RSBN1L: variants seen among roughly 807,000 people sequenced by gnomAD.
RSBN1L encodes the protein round spermatid basic protein 1 like.
Under a neutral mutation model 67.7 loss-of-function variants are expected in RSBN1L, and 30 were observed. The observed-to-expected ratio is 0.44, with a 90% confidence interval of 0.33 to 0.60. RSBN1L has a LOEUF of 0.60. Among genes scored for constraint, RSBN1L ranks in the 20% least tolerant of loss-of-function variants. RSBN1L has a pLI of 0.02. For missense variants in RSBN1L, 992 were observed against 1,031.7 expected, an observed-to-expected ratio of 0.96 and a Z score of 0.53; for synonymous variants, 433 against 387.0, an observed-to-expected ratio of 1.12 and a Z score of -1.39.
chr7:77,768,861 ATGTT>A, intron 5 of RSBN1L, 58 bp downstream of exon 5: 1 of 1,482,562 alleles, frequency 6.7e-7, no homozygotes, highest in South Asian at 1.2e-5. Context: ...TGGGGTGTGT[ATGTT>A]AGTTGAAAAT....
chr7:77,748,931 C>G lies in RSBN1L; in HGVS notation c.704-493C>G, dbSNP rs184936378. Among the ~76,000 whole-genome samples the G allele has an allele frequency of 3.9e-5, 6 of 152,294 alleles. No individual in the cohort carries two copies. The East Asian group carries it at 1.2e-3, about 29-fold the overall frequency. On this transcript the variant is annotated intron_variant, in intron 2 of 7. Transcript: ENST00000334955. The stretch of plus-strand genomic sequence containing the variant: ...TCTGTCTGTCTCTCTCTTTCTCTCT[C>G]TCTCTCTGTCTCTCTCTCGCTGTGT...
chr7:77,704,407 C>T (rs925032425), intron 1 of RSBN1L, among the ~76,000 whole-genome samples: 2 of 152,074 alleles, frequency 1.3e-5, no homozygotes, highest in Admixed American at 6.5e-5. Context: ...ATACATTAAA[C>T]TTTATGTTGT....
At chr7:77,755,963 T>G (rs1366530102) in intron 3 of RSBN1L, among the ~76,000 whole-genome samples, 1 of 152,110 alleles carries the variant, frequency 6.6e-6, no homozygotes, top group Non-Finnish European at 1.5e-5. Context: ...CCTGACATCT[T>G]TGTAATTCAG....
rs1791953548 is a variant in RSBN1L at position 77,778,833 on chromosome 7, G to T, written c.2206G>T (p.Asp736Tyr). 6.2e-7 allele frequency: 1 copy of T among 1,614,102 alleles called. No individual in the cohort carries two copies. Among genetic ancestry groups the T allele is most frequent in the African/African-American group, 1.3e-5 (1 of 75,036 alleles). The change falls in exon 8 of 8, where the codon GAT becomes TAT. Residue 736 changes from aspartate (D) to tyrosine (Y), a missense_variant. Around this residue, in one of 7 missense-constraint regions of RSBN1L, gnomAD observed 199 missense variants for 167.7 expected, o/e 1.19. Transcript: ENST00000334955. ...MICAVSKASL[D>Y]SVFSDKLHSK... is the part of the protein sequence containing the mutation. ...TTGTGCTGTAAGCAAAGCCTCCTTGGATTCTGTTTTTTCAGATAAACTTCA... is the reference window on the plus strand; with the variant it reads ...TTGTGCTGTAAGCAAAGCCTCCTTGTATTCTGTTTTTTCAGATAAACTTCA...
At chr7:77,776,349 A>G (rs770569964) in intron 6 of RSBN1L, among the ~76,000 whole-genome samples, 2 of 152,202 alleles carry the variant, frequency 1.3e-5, no homozygotes, top group Non-Finnish European at 2.9e-5. Flanking sequence ...AGAGTTATGC[A>G]ACCACCACCA....
At chr7:77,744,702 G>A (rs1023470385) in intron 2 of RSBN1L, among the ~76,000 whole-genome samples, 1 of 152,132 alleles carries the variant, frequency 6.6e-6, no homozygotes, top group African/African-American at 2.4e-5. Flanking sequence ...ACAGGTGTGA[G>A]CCACTGCGCC....
At chr7:77,737,227 C>T (rs572981388) in intron 2 of RSBN1L, among the ~76,000 whole-genome samples, 48 of 152,062 alleles carry the variant, frequency 3.2e-4, no homozygotes, top group Non-Finnish European at 6.2e-4. Flanking sequence ...AAGAAGAATC[C>T]GTGGCATTCG....
At chr7:77,770,560 G>A (rs1432114856) in intron 5 of RSBN1L, among the ~76,000 whole-genome samples, 1 of 151,786 alleles carries the variant, frequency 6.6e-6, no homozygotes, top group Non-Finnish European at 1.5e-5. Flanking sequence ...GTACATGCCC[G>A]TAGCCCTAGC....
rs1790739748 is a variant in RSBN1L, at chr7:77,696,913, C to CGCCGCCGCCGCT, written c.449_450insCGCCGCTGCCGC (p.Ala148_Ala151dup). ...ACCATCTCCTCCTGCCCGCCGCCGC[C>CGCCGCCGCCGCT]GCCGCTGCCTCGGCTAACGCCAAGT... On this transcript the variant is annotated inframe_insertion, in exon 1 of 8. Coordinates refer to ENST00000334955, the MANE Select transcript of RSBN1L (RefSeq NM_198467.3). 6.2e-7 allele frequency: 1 copy of CGCCGCCGCCGCT among 1,604,380 alleles called. No homozygotes were observed.
intron 6 of RSBN1L, 63 bp from the exon 7 acceptor site, chr7:77,778,275 A>T: frequency 8.9e-7 from 1 of 1,126,950 alleles, no homozygotes; most frequent in Non-Finnish European, 1.3e-6. Flanking sequence ...CTTTGAGTTT[A>T]ATAAGGACTC....
At chr7:77,752,006 G>C (rs1791562331) in intron 3 of RSBN1L, among the ~76,000 whole-genome samples, 1 of 152,120 alleles carries the variant, frequency 6.6e-6, no homozygotes, top group Non-Finnish European at 1.5e-5. Context: ...TTTCAAATAA[G>C]TTTAGGAATT....
intron 1 of RSBN1L, among the ~76,000 whole-genome samples, chr7:77,702,685 A>T (rs1272221010): frequency 6.6e-6 from 1 of 152,158 alleles, no homozygotes; most frequent in East Asian, 1.9e-4. Context: ...ATAAAATACC[A>T]TAGAATGGGT....
chr7:77,698,648 A>G (rs552393556), intron 1 of RSBN1L, among the ~76,000 whole-genome samples: 68 of 152,344 alleles, frequency 4.5e-4, no homozygotes, highest in African/African-American at 1.6e-3. Flanking sequence ...TTTCAATTAC[A>G]TTTAGAATCC....
At chr7:77,756,816 T>C (rs1255446653) in intron 3 of RSBN1L, among the ~76,000 whole-genome samples, 1 of 152,152 alleles carries the variant, frequency 6.6e-6, no homozygotes, top group African/African-American at 2.4e-5. Context: ...TGCCATCCTC[T>C]AGGTAATTAA....
intron 3 of RSBN1L, among the ~76,000 whole-genome samples, chr7:77,753,787 A>T (rs1302401783): frequency 2.0e-5 from 3 of 152,208 alleles, no homozygotes; most frequent in Non-Finnish European, 4.4e-5. Flanking sequence ...AGCTAAAAGT[A>T]TTGGAAAAAT....
chr7:77,777,997 T>C (rs972439897), intron 6 of RSBN1L, among the ~76,000 whole-genome samples: 8 of 152,306 alleles, frequency 5.3e-5, no homozygotes, highest in East Asian at 1.9e-4. Flanking sequence ...TTTTCAACTT[T>C]AGCACTTAAA....
chr7:77,731,726 C>G (rs1468694392), intron 1 of RSBN1L, among the ~76,000 whole-genome samples: 1 of 151,626 alleles, frequency 6.6e-6, no homozygotes, highest in Non-Finnish European at 1.5e-5. Context: ...TTTATCAGTT[C>G]TTTTTTTTAA....
Position 77,779,542 on chromosome 7 carries a change from T to C in RSBN1L, c.*374T>C, listed in dbSNP as rs1791968711. On this transcript the variant is annotated 3_prime_UTR_variant, in exon 8 of 8. Transcript: ENST00000334955. ...TTTTCCATAGAGCTTATTTATATCC[T>C]TTTTTTTCATTTTAAATGTGTCAGC... The C allele has an allele frequency of 6.8e-6, 1 of 147,658 alleles. No homozygotes were observed. Among genetic ancestry groups the C allele is most frequent in the Non-Finnish European group, 1.5e-5 (1 of 67,312 alleles). The allele number at this position is 147,658 out of a possible 1,614,324, so 9.1% of individuals were successfully genotyped here.
Position 77,696,960 on chromosome 7 carries a change from G to C in RSBN1L, c.491G>C (p.Arg164Pro), listed in dbSNP as rs1425593811. The C allele has an allele frequency of 6.3e-7, 1 of 1,579,114 alleles. No individual in the cohort carries two copies. The highest frequency in any genetic ancestry group is 8.5e-7 in the Non-Finnish European group (1 of 1,170,412). ...AAGTCGCGCAGACCTAAGGAGAAGC[G>C]GGAGAAGGAGAGGAGGAGGCACGGT... ...NAKSRRPKEK[R>P]EKERRRHGLG... is the part of the protein sequence containing the mutation. The change falls in exon 1 of 8, where the codon CGG becomes CCG. Residue 164 changes from arginine (R) to proline (P), a missense_variant. By Grantham distance (103) the Arg-to-Pro change is moderately radical (BLOSUM62 -2). This residue lies in a region of RSBN1L where 575 missense variants were observed against 483.2 expected (regional missense o/e 1.19). Transcript: ENST00000334955.
Sources: gnomAD v4.1 joint callset for allele counts (sites outside exome capture counted in the v4.1 genomes callset) on GRCh38, gnomAD v4.1.1 for gene constraint, gnomAD v4.1.1 regional missense constraint, MANE v1.5 for transcripts, NCBI Gene and HGNC (gene_info 2026-07-23, HGNC 2026-07-21) for gene names.